TSPYL1: variants seen among roughly 807,000 people sequenced by gnomAD.
TSPYL1 encodes the protein TSPY like 1, also known as testis-specific Y-encoded-like protein 1.
In TSPYL1, 16 loss-of-function variants were observed where a neutral mutation model predicts 20.1. The ratio of observed to expected loss-of-function variants is 0.80; its 90% CI spans 0.54 to 1.21. TSPYL1 has a LOEUF of 1.21. TSPYL1 is among the 50% of genes most tolerant of loss of function. The pLI is 0.00. For synonymous variants in TSPYL1, 259 were observed against 227.1 expected, an observed-to-expected ratio of 1.14 and a Z score of -1.26; for missense variants, 560 against 569.3, an observed-to-expected ratio of 0.98 and a Z score of 0.17.
chr6:116,279,889 G>A lies in TSPYL1; in HGVS notation c.-59C>T. ...CCCGTTTTCCTCAGAGGCCGAACTG[G>A]GAGCTAACCGCCGCTCGCACCGCCC... is the stretch of plus-strand genomic sequence containing the variant. On this transcript the variant is annotated 5_prime_UTR_variant, in exon 1 of 1. Transcript: ENST00000368608. 2.5e-6 allele frequency: 4 copies of A among 1,610,296 alleles called. No individual in the cohort carries two copies. The highest frequency in any genetic ancestry group is 2.2e-5 in the East Asian group (1 of 44,876).
In TSPYL1 at chr6:116,275,339, T is replaced by C. The variant is rs1417831371; in HGVS notation, c.*3178A>G. 6.6e-6 allele frequency among the ~76,000 whole-genome samples: 1 copy of C among 152,258 alleles called. No individual in the cohort carries two copies. Among genetic ancestry groups the C allele is most frequent in the Non-Finnish European group, 1.5e-5 (1 of 68,046 alleles). On this transcript the variant is annotated 3_prime_UTR_variant, in exon 1 of 1. Coordinates refer to ENST00000368608, the MANE Select transcript of TSPYL1 (RefSeq NM_003309.4). ...TTTAATGTTGAAAGTGTTTAGACGT[T>C]TTCTAATGACTAAAAGGGGAAATAG...
rs1773174724 is a variant in TSPYL1, at chr6:116,277,049, T to A, written c.*1468A>T. 6.6e-6 allele frequency: 1 copy of A among 152,256 alleles called. No individual in the cohort carries two copies. Among genetic ancestry groups the A allele is most frequent in the South Asian group, 2.1e-4 (1 of 4,832 alleles). 9.4% of individuals were successfully genotyped at this position (152,256 alleles called of 1,614,324 possible). A position where few individuals can be genotyped will look rare whatever the true frequency, so the allele number is the denominator to read the frequency against. ...TATGACTATTCATATGTCTCTATAT[T>A]GTACAGGCAAGTAAGACTGTTGTTC... On this transcript the variant is annotated 3_prime_UTR_variant, in exon 1 of 1. Transcript: ENST00000368608.
chr6:116,278,424 A>G lies in TSPYL1; in HGVS notation c.*93T>C. ...GCAGAAAAGTCAGCAAAAACAAAGC[A>G]CAATAGAAGGCATACTCATTGCTGA... On this transcript the variant is annotated 3_prime_UTR_variant, in exon 1 of 1. Coordinates refer to ENST00000368608, the MANE Select transcript of TSPYL1 (RefSeq NM_003309.4). 1.3e-6 allele frequency: 2 copies of G among 1,556,614 alleles called. No individual in the cohort carries two copies. The highest frequency in any genetic ancestry group is 1.8e-6 in the Non-Finnish European group (2 of 1,133,292).
rs147978697 is a variant in TSPYL1 at position 116,279,230 on chromosome 6, C to T, written c.601G>A (p.Glu201Lys). 4.2e-5 allele frequency: 68 copies of T among 1,609,348 alleles called. No individual in the cohort carries two copies. The African/African-American group carries it at 8.0e-4, about 19-fold the overall frequency. ...EVEEQPPEGEEIEVAEEDRLE... is the reference protein window; with the variant it reads ...EVEEQPPEGEKIEVAEEDRLE... Reference sequence around the variant, plus strand: ...CTATCCTCCTCCGCCACTTCTATTTCTTCACCTTCTGGCGGCTGCTCCTCT... The same window carrying T: ...CTATCCTCCTCCGCCACTTCTATTTTTTCACCTTCTGGCGGCTGCTCCTCT... The change falls in exon 1 of 1, where the codon GAA (glutamate) becomes AAA (lysine). Residue 201 changes from glutamate to lysine, a missense_variant. Transcript: ENST00000368608.
At position 116,279,412 on chromosome 6, in the gene TSPYL1, G is replaced by C. The variant is rs370116569; in HGVS notation, c.419C>G (p.Ser140Cys). The change falls in exon 1 of 1, where the codon TCC becomes TGC. Residue 140 changes from serine (S) to cysteine (C), a missense_variant. By Grantham distance (112) the Ser-to-Cys change is moderately radical (BLOSUM62 -1). Coordinates refer to ENST00000368608, the MANE Select transcript of TSPYL1 (RefSeq NM_003309.4). The stretch of plus-strand genomic sequence containing the variant: ...CGCCCCCGCCGTCAGCTCAGACGCG[G>C]ATCTCTGGGCGCCACAGATTTCTAG... ...KALEICGAQR[S>C]ASELTAGAEA... 4.8e-5 allele frequency: 78 copies of C among 1,613,196 alleles called. No individual in the cohort carries two copies. Among genetic ancestry groups the C allele is most frequent in the Non-Finnish European group, 6.4e-5 (75 of 1,180,034 alleles).
rs1323972298 is a variant in TSPYL1 at position 116,279,480 on chromosome 6, G to A, written c.351C>T (p.Ala117=). The A allele has an allele frequency of 1.2e-5, 19 of 1,612,174 alleles. No individual in the cohort carries two copies. Among genetic ancestry groups the A allele is most frequent in the Non-Finnish European group, 1.6e-5 (19 of 1,180,002 alleles). Residue 117 remains alanine (A), a synonymous_variant, in exon 1 of 1, where the codon GCC becomes GCT. Transcript: ENST00000368608. ...GAACGCCCTTTTTCAGGCTGCGGTC[G>A]GCTGCCATCACCACAGAAGCGGCTG... ...GLAAASVVMA[A]DRSLKKGVQG...
Position 116,279,854 on chromosome 6 carries a change from C to T in TSPYL1, c.-24G>A. The T allele has an allele frequency of 6.2e-7, 1 of 1,613,072 alleles. No homozygotes were observed. The highest frequency in any genetic ancestry group is 1.1e-5 in the South Asian group (1 of 91,086). The stretch of plus-strand genomic sequence containing the variant: ...ATGTTGCTAACAGTCGGACCAACCG[C>T]AGGCGAACGCCCGTTTTCCTCAGAG... On this transcript the variant is annotated 5_prime_UTR_variant, in exon 1 of 1. Transcript: ENST00000368608.
chr6:116,279,199 T>G lies in TSPYL1; in HGVS notation c.632A>C (p.Glu211Ala). 1 of 1,610,672 alleles carries G rather than the reference T, an allele frequency of 6.2e-7. No homozygotes were observed. Among genetic ancestry groups the G allele is most frequent in the Non-Finnish European group, 8.5e-7 (1 of 1,179,572 alleles). ...EIEVAEEDRL[E>A]EEAREEEGPW... ...CCCTTCTTCCTCCCTCGCCTCCTCCTCCAATCTATCCTCCTCCGCCACTTC... is the reference window on the plus strand; with the variant it reads ...CCCTTCTTCCTCCCTCGCCTCCTCCGCCAATCTATCCTCCTCCGCCACTTC... Residue 211 changes from glutamate to alanine, a missense_variant, in exon 1 of 1, where the codon GAG (glutamate) becomes GCG (alanine). Glu to Ala is a moderately radical substitution (Grantham distance 107, BLOSUM62 -1). Transcript: ENST00000368608.
rs201438485 is a variant in TSPYL1, at chr6:116,278,872, T to C, written c.959A>G (p.Lys320Arg). The C allele has an allele frequency of 2.8e-5, 45 of 1,614,062 alleles. No individual in the cohort carries two copies. Among genetic ancestry groups the C allele is most frequent in the Admixed American group, 3.3e-5 (2 of 60,006 alleles). ...KELRHPRTGC[K>R]FKFFFRRNPY... Reference sequence around the variant, plus strand: ...GTTTCTTCTAAAGAAGAACTTGAACTTGCAACCGGTTCTAGGGTGTCTGAG... The same window carrying C: ...GTTTCTTCTAAAGAAGAACTTGAACCTGCAACCGGTTCTAGGGTGTCTGAG... Residue 320 changes from lysine to arginine, a missense_variant, in exon 1 of 1, where the codon AAG (lysine) becomes AGG (arginine). Lys to Arg is a conservative substitution (Grantham distance 26). Transcript: ENST00000368608.
At position 116,275,767 on chromosome 6, in the gene TSPYL1, C is replaced by T. The variant is rs1006558011; in HGVS notation, c.*2750G>A. ...GTGAGCCGAGATCGCGCCACTTGCG[C>T]TCCAGCCTGGGCAAGAGTGGGACTC... On this transcript the variant is annotated 3_prime_UTR_variant, in exon 1 of 1. Coordinates refer to ENST00000368608, the MANE Select transcript of TSPYL1 (RefSeq NM_003309.4). Among the ~76,000 whole-genome samples, 3 of 150,046 alleles carry T rather than the reference C, an allele frequency of 2.0e-5. No individual in the cohort carries two copies. Among genetic ancestry groups the T allele is most frequent in the Non-Finnish European group, 2.9e-5 (2 of 67,862 alleles).
In TSPYL1 at chr6:116,275,144, C is replaced by A. The variant is rs1448959780; in HGVS notation, c.*3373G>T. On this transcript the variant is annotated 3_prime_UTR_variant, in exon 1 of 1. Coordinates refer to ENST00000368608, the MANE Select transcript of TSPYL1 (RefSeq NM_003309.4). ...ATTTATAGATCTCAATTCAGACTAG[C>A]CACATTTCAAGTGCTCAATAGCCAC... Among the ~76,000 whole-genome samples the A allele has an allele frequency of 6.6e-6, 1 of 152,176 alleles. No homozygotes were observed. Among genetic ancestry groups the A allele is most frequent in the Non-Finnish European group, 1.5e-5 (1 of 68,028 alleles).
In TSPYL1 at chr6:116,279,865, C is replaced by G. The variant is rs1289754518; in HGVS notation, c.-35G>C. ...AGTCGGACCAACCGCAGGCGAACGC[C>G]CGTTTTCCTCAGAGGCCGAACTGGG... On this transcript the variant is annotated 5_prime_UTR_variant, in exon 1 of 1. Transcript: ENST00000368608. 6.2e-7 allele frequency: 1 copy of G among 1,612,938 alleles called. No homozygotes were observed. Among genetic ancestry groups the G allele is most frequent in the East Asian group, 2.2e-5 (1 of 44,892 alleles).
chr6:116,279,786 G>A lies in TSPYL1; in HGVS notation c.45C>T (p.Thr15=). 6.2e-7 allele frequency: 1 copy of A among 1,612,874 alleles called. No homozygotes were observed. Among genetic ancestry groups the A allele is most frequent in the African/African-American group, 1.3e-5 (1 of 75,066 alleles). Residue 15 remains threonine (T), a synonymous_variant, in exon 1 of 1, where the codon ACC becomes ACT. Transcript: ENST00000368608. The part of the protein sequence containing the change: ...DGVKRTTPLQ[T]HSIIISDQVP... The stretch of plus-strand genomic sequence containing the variant: ...CTTGGTCAGAAATAATGATGCTGTG[G>A]GTTTGGAGGGGAGTGGTCCTCTTGA...
At position 116,278,428 on chromosome 6, in the gene TSPYL1, T is replaced by A; in HGVS notation, c.*89A>T. The A allele has an allele frequency of 6.4e-7, 1 of 1,569,416 alleles. No individual in the cohort carries two copies. The highest frequency in any genetic ancestry group is 8.8e-7 in the Non-Finnish European group (1 of 1,142,772). On this transcript the variant is annotated 3_prime_UTR_variant, in exon 1 of 1. Coordinates refer to ENST00000368608, the MANE Select transcript of TSPYL1 (RefSeq NM_003309.4). ...AAAAGTCAGCAAAAACAAAGCACAA[T>A]AGAAGGCATACTCATTGCTGATGCC...
In TSPYL1 at chr6:116,279,387, C is replaced by G. The variant is rs762460403; in HGVS notation, c.444G>C (p.Ala148=). 18 of 1,612,936 alleles carry G rather than the reference C, an allele frequency of 1.1e-5. No individual in the cohort carries two copies. The Admixed American group carries it at 3.0e-4, about 27-fold the overall frequency. Reference sequence around the variant, plus strand: ...TCTTCACCTCCTCCGCCTCAGCCTCCGCCCCCGCCGTCAGCTCAGACGCGG... The same window carrying G: ...TCTTCACCTCCTCCGCCTCAGCCTCGGCCCCCGCCGTCAGCTCAGACGCGG... The part of the protein sequence containing the change: ...QRSASELTAG[A]EAEAEEVKTG... The change falls in exon 1 of 1, where the codon GCG becomes GCC. Residue 148 remains alanine, a synonymous_variant. Transcript: ENST00000368608.
chr6:116,275,055 A>T lies in TSPYL1; in HGVS notation c.*3462T>A, dbSNP rs185177520. 5.4e-4 allele frequency among the ~76,000 whole-genome samples: 83 copies of T among 152,374 alleles called. No individual in the cohort carries two copies. Among genetic ancestry groups the T allele is most frequent in the African/African-American group, 2.0e-3 (82 of 41,592 alleles). On this transcript the variant is annotated 3_prime_UTR_variant, in exon 1 of 1. Coordinates refer to ENST00000368608, the MANE Select transcript of TSPYL1 (RefSeq NM_003309.4). ...TTTCAACATGCAATCAATATGAAAA[A>T]AATTGAGATATTTTAACATTTTTCT... is the stretch of plus-strand genomic sequence containing the variant.
rs199933032 is a variant in TSPYL1, at chr6:116,279,333, G to C, written c.498C>G (p.Ala166=). ...CCTCAGCGCTCTCCCTCTCAGCCAC[G>C]GCTGCTGAGACGGTGGCGCACTTTC... ...KTGKCATVSA[A]VAERESAEVV... The change falls in exon 1 of 1, where the codon GCC becomes GCG. Residue 166 remains alanine (A), a synonymous_variant. Transcript: ENST00000368608. The C allele has an allele frequency of 6.3e-4, 1,008 of 1,610,572 alleles. 7 individuals are homozygous for C. The highest frequency in any genetic ancestry group is 1.5e-4 in the Non-Finnish European group (175 of 1,179,934).
rs908565433 is a variant in TSPYL1 at position 116,278,558 on chromosome 6, G to T, written c.1273C>A (p.Pro425Thr). 6.2e-7 allele frequency: 1 copy of T among 1,614,152 alleles called. No individual in the cohort carries two copies. Among genetic ancestry groups the T allele is most frequent in the African/African-American group, 1.3e-5 (1 of 75,032 alleles). The change falls in exon 1 of 1, where the codon CCT becomes ACT. Residue 425 changes from proline (P) to threonine (T), a missense_variant. Coordinates refer to ENST00000368608, the MANE Select transcript of TSPYL1 (RefSeq NM_003309.4). ...RRARRRPLRE[P>T]VEIPRPFGFQ... ...CCAAAGGGCCTGGGGATCTCTACAG[G>T]CTCCCTTAGCGGGCGACGTCGGGCT...
chr6:116,279,874 TCAGAGGCCGAA>T lies in TSPYL1; in HGVS notation c.-55_-45del. ...AACCGCAGGCGAACGCCCGTTTTCC[TCAGAGGCCGAA>T]CTGGGAGCTAACCGCCGCTCGCACC... On this transcript the variant is annotated 5_prime_UTR_variant, in exon 1 of 1. Coordinates refer to ENST00000368608, the MANE Select transcript of TSPYL1 (RefSeq NM_003309.4). 1.9e-6 allele frequency: 3 copies of T among 1,612,932 alleles called. No homozygotes were observed. Among genetic ancestry groups the T allele is most frequent in the Non-Finnish European group, 2.5e-6 (3 of 1,179,946 alleles).
Sources: allele counts gnomAD v4.1 joint callset (sites outside exome capture counted in the v4.1 genomes callset), GRCh38; gene constraint gnomAD v4.1.1; transcripts MANE v1.5; gene names NCBI Gene and HGNC (gene_info 2026-07-23, HGNC 2026-07-21).